The following TSGA13 variants were observed in gnomAD, a reference collection of about 807,000 sequenced individuals.
TSGA13 encodes testis specific 13.
Under a neutral mutation model 35.1 loss-of-function variants are expected in TSGA13, and 37 were observed. That is an observed-to-expected ratio of 1.05 (90% CI 0.81 to 1.39). TSGA13 has a LOEUF of 1.39. Among genes scored for constraint, TSGA13 ranks in the 40% most tolerant of loss-of-function variants. The pLI is 0.00. For missense variants in TSGA13, 338 were observed against 328.5 expected (o/e 1.03, Z -0.22); for synonymous variants, 124 against 121.2 (o/e 1.02, Z -0.15).
intron 5 of TSGA13, among the ~76,000 whole-genome samples, chr7:130,678,378 C>CA (rs10634079): frequency 0.097 from 12,863 of 132,548 alleles, 836 homozygotes; most frequent in African/African-American, 0.21. Context: ...GACTCCGTCT[C>CA]AAAAAAAAAA....
Position 130,671,662 on chromosome 7 carries a change from A to G in TSGA13, c.657T>C (p.Asp219=), listed in dbSNP as rs1796268523. Residue 219 remains aspartate (D), a splice_region_variant and synonymous_variant, in exon 7 of 8, where the codon GAT becomes GAC. Coordinates refer to ENST00000356588, the MANE Select transcript of TSGA13 (RefSeq NM_052933.4). ...TTGCTTTGAAAGAGAGGAGCTTACC[A>G]TCTTTCCTCATATCTCTCTCATGGA... is the stretch of plus-strand genomic sequence containing the variant. ...APVHERDMRK[D]ASKKSASERP... 3.8e-6 allele frequency: 6 copies of G among 1,570,286 alleles called. No homozygotes were observed. The highest frequency in any genetic ancestry group is 1.4e-5 in the African/African-American group (1 of 73,448).
intron 2 of TSGA13, 62 bp downstream of exon 2, chr7:130,685,126 C>A: frequency 6.6e-7 from 1 of 1,514,798 alleles, no homozygotes; most frequent in South Asian, 1.1e-5. Flanking sequence ...GTGCTGTGGG[C>A]TATGCAATAA....
chr7:130,680,785 G>A (rs186453996), intron 4 of TSGA13, among the ~76,000 whole-genome samples, 161 bp downstream of exon 4: 1 of 152,216 alleles, frequency 6.6e-6, no homozygotes, highest in African/African-American at 2.4e-5. Flanking sequence ...CACTGCCTCT[G>A]GCATCATAAC....
intron 2 of TSGA13, among the ~76,000 whole-genome samples, chr7:130,684,413 A>G (rs79338267): frequency 0.011 from 1,693 of 152,308 alleles, 28 homozygotes; most frequent in African/African-American, 0.039. Flanking sequence ...AATGCTCCTC[A>G]GTAAGATTTG....
intron 3 of TSGA13, among the ~76,000 whole-genome samples, chr7:130,683,191 T>C (rs988683039): frequency 6.6e-6 from 1 of 152,214 alleles, no homozygotes; most frequent in African/African-American, 2.4e-5. Flanking sequence ...TTTAGTTTTG[T>C]TATGTTGAAT....
chr7:130,681,096 C>A, intron 3 of TSGA13, 79 bp from the exon 4 acceptor site: 1 of 1,246,268 alleles, frequency 8.0e-7, no homozygotes, highest in Non-Finnish European at 1.2e-6. Context: ...TCACCTTAGT[C>A]TCACTGGAGA....
rs1554462960 is a variant in TSGA13 at position 130,671,652 on chromosome 7, G to A, written c.658+9C>T. On this transcript the variant is annotated intron_variant, in intron 7 of 7. Transcript: ENST00000356588. ...CAGTAAGCCTTTGCTTTGAAAGAGAGGAGCTTACCATCTTTCCTCATATCT... is the reference window on the plus strand; with the variant it reads ...CAGTAAGCCTTTGCTTTGAAAGAGAAGAGCTTACCATCTTTCCTCATATCT... The A allele has an allele frequency of 6.4e-7, 1 of 1,561,066 alleles. No individual in the cohort carries two copies.
intron 3 of TSGA13, 25 bp from the exon 4 acceptor site, chr7:130,681,042 G>A (rs781798720): frequency 2.5e-6 from 4 of 1,606,898 alleles, no homozygotes; most frequent in African/African-American, 2.7e-5. Context: ...CAAAGTTAGT[G>A]GTTTGAAGTT....
Position 130,669,084 on chromosome 7 carries a change from G to T in TSGA13, c.758C>A (p.Pro253His). The change falls in exon 8 of 8, where the codon CCC becomes CAC. Residue 253 changes from proline (P) to histidine (H), a missense_variant. By Grantham distance (77) the Pro-to-His change is moderately conservative. Coordinates refer to ENST00000356588, the MANE Select transcript of TSGA13 (RefSeq NM_052933.4). The part of the protein sequence containing the change: ...LLEDMPTRTA[P>H]GESAFRNGRA... ...CCCGTTGCGGAAGGCGCTCTCCCCG[G>T]GCGCGGTTCTGGTGGGCATGTCTTC... The T allele has an allele frequency of 6.2e-7, 1 of 1,614,224 alleles. No individual in the cohort carries two copies. The highest frequency in any genetic ancestry group is 8.5e-7 in the Non-Finnish European group (1 of 1,180,040).
intron 5 of TSGA13, among the ~76,000 whole-genome samples, chr7:130,674,597 C>G (rs959524614): frequency 3.5e-4 from 54 of 152,194 alleles, no homozygotes; most frequent in Admixed American, 2.5e-3. Flanking sequence ...TGGTCTAAGT[C>G]ACTAGAATTA....
intron 5 of TSGA13, among the ~76,000 whole-genome samples, chr7:130,676,777 A>G (rs1796419507): frequency 6.6e-6 from 1 of 152,240 alleles, no homozygotes; most frequent in South Asian, 2.1e-4. Context: ...TCCCATGCCC[A>G]GCATAAAATT....
chr7:130,669,557 C>T (rs1029190953), intron 7 of TSGA13, among the ~76,000 whole-genome samples: 6 of 152,184 alleles, frequency 3.9e-5, no homozygotes, highest in Admixed American at 3.3e-4. Flanking sequence ...AAGAGTGTAG[C>T]TAAGAAACTT....
Position 130,668,790 on chromosome 7 carries a change from C to T in TSGA13, c.*224G>A. 1 of 1,320,614 alleles carries T rather than the reference C, an allele frequency of 7.6e-7. No homozygotes were observed. 81.8% of individuals were successfully genotyped at this position (1,320,614 alleles called of 1,614,324 possible). On this transcript the variant is annotated 3_prime_UTR_variant, in exon 8 of 8. Transcript: ENST00000356588. ...CACGCCGGTTGGGCCGCCGCGCCTT[C>T]ACTCGGGGCCAAGGCCCGCCCTCCC...
chr7:130,671,790 T>G lies in TSGA13; in HGVS notation c.531-2A>C, dbSNP rs782762191. On this transcript the variant is annotated splice_acceptor_variant, in intron 6 of 7. Transcript: ENST00000356588. LOFTEE classifies it high-confidence loss of function. ...TTGAAATCATTGTCAGTGGAAAACC[T>G]TAACAAAGAAAGTTCTTTGTTTAGT... is the stretch of plus-strand genomic sequence containing the variant. 1.7e-5 allele frequency: 27 copies of G among 1,574,712 alleles called. No homozygotes were observed. The highest frequency in any genetic ancestry group is 2.2e-5 in the Non-Finnish European group (26 of 1,156,246).
intron 5 of TSGA13, among the ~76,000 whole-genome samples, chr7:130,676,663 A>G (rs1349459408): frequency 2.6e-5 from 4 of 152,174 alleles, no homozygotes; most frequent in African/African-American, 7.2e-5. Context: ...TTAGCATTTT[A>G]TCTTCCACTT....
chr7:130,675,140 CAT>C (rs1489850194), intron 5 of TSGA13, among the ~76,000 whole-genome samples: 1 of 152,048 alleles, frequency 6.6e-6, no homozygotes, highest in Non-Finnish European at 1.5e-5. Flanking sequence ...ATATCACTCA[CAT>C]GTTTCTCCTA....
chr7:130,675,241 G>A (rs1424032290), intron 5 of TSGA13, among the ~76,000 whole-genome samples: 1 of 149,468 alleles, frequency 6.7e-6, no homozygotes, highest in Non-Finnish European at 1.5e-5. Context: ...ATATATATAT[G>A]TATATATATA....
At chr7:130,680,711 A>G (rs1391720816) in intron 4 of TSGA13, among the ~76,000 whole-genome samples, 3 of 152,104 alleles carry the variant, frequency 2.0e-5, no homozygotes, top group Non-Finnish European at 4.4e-5. Flanking sequence ...CTTAAAAAAA[A>G]TCAGCTGTGG....
intron 5 of TSGA13, among the ~76,000 whole-genome samples, chr7:130,678,566 C>T (rs1554464478): frequency 2.0e-5 from 3 of 152,174 alleles, no homozygotes; most frequent in African/African-American, 7.2e-5. Flanking sequence ...GGCTAGTCTA[C>T]CCTTTGTTAC....
Sources: allele counts gnomAD v4.1 joint callset (sites outside exome capture counted in the v4.1 genomes callset), GRCh38; gene constraint gnomAD v4.1.1; transcripts MANE v1.5; gene names NCBI Gene and HGNC (gene_info 2026-07-23, HGNC 2026-07-21).